Variants in AATF observed in about 807,000 individuals in gnomAD.
AATF encodes the protein protein AATF.
A neutral mutation model predicts 63.7 loss-of-function variants in AATF; 48 were observed. That is an observed-to-expected ratio of 0.75 (90% CI 0.60 to 0.96). AATF has a LOEUF of 0.96. Ranked by LOEUF, AATF falls within the 40% of genes least tolerant of loss-of-function variation. The pLI is 0.00. For missense variants in AATF, 639 were observed against 685.7 expected (o/e 0.93, Z 0.76); for synonymous variants, 258 against 247.7 (o/e 1.04, Z -0.39).
intron 10 of AATF, among the ~76,000 whole-genome samples, chr17:37,026,176 AATG>A (rs2071509859): frequency 6.6e-6 from 1 of 152,240 alleles, no homozygotes; most frequent in Admixed American, 6.5e-5. Flanking sequence ...GTGTCAAAGT[AATG>A]ATAAAACAAG....
chr17:37,040,470 T>TA (rs2071628034), intron 11 of AATF, among the ~76,000 whole-genome samples: 1 of 1,706 alleles, frequency 5.9e-4, no homozygotes, highest in African/African-American at 2.5e-3. Flanking sequence ...TGTTCCTCAT[T>TA]TAAAAAAAAA....
chr17:36,968,263 CTTCTTTCTTTTTTT>C (rs2071008935), intron 4 of AATF, among the ~76,000 whole-genome samples: 1 of 88,240 alleles, frequency 1.1e-5, no homozygotes, highest in African/African-American at 6.6e-5. Context: ...TCTTTCTTTC[CTTCTTTCTTTTTTT>C]TTTTTTTTTT....
At chr17:36,958,354 A>T (rs887980198) in intron 4 of AATF, among the ~76,000 whole-genome samples, 1 of 151,890 alleles carries the variant, frequency 6.6e-6, no homozygotes, top group Non-Finnish European at 1.5e-5. Context: ...TTTAGTAGAG[A>T]TGGGGTTTCA....
Position 36,948,962 on chromosome 17 carries a change from C to A in AATF, c.-164C>A. ...GCCCCGCCCCCTCCCGCGCGCCTCC[C>A]GGAAGTGGCCGGTCCAGAGCTGTGG... On this transcript the variant is annotated 5_prime_UTR_variant, in exon 1 of 12. Transcript: ENST00000619387. The A allele has an allele frequency of 3.3e-6, 2 of 599,118 alleles. No individual in the cohort carries two copies. The highest frequency in any genetic ancestry group is 5.6e-6 in the Non-Finnish European group (2 of 354,566). 37.1% of individuals were successfully genotyped at this position (599,118 alleles called of 1,614,324 possible). A position where few individuals can be genotyped will look rare whatever the true frequency, so the allele number is the denominator to read the frequency against.
intron 10 of AATF, among the ~76,000 whole-genome samples, chr17:37,023,356 A>G (rs1432304594): frequency 2.6e-5 from 4 of 152,202 alleles, no homozygotes; most frequent in African/African-American, 9.6e-5. Context: ...TGCTTTTTAT[A>G]TTAATGAATT....
intron 10 of AATF, among the ~76,000 whole-genome samples, chr17:37,024,674 A>G (rs1215512016): frequency 6.6e-6 from 1 of 152,176 alleles, no homozygotes; most frequent in African/African-American, 2.4e-5. Flanking sequence ...CAGAAAGATA[A>G]TTGGCTGGGC....
intron 11 of AATF, among the ~76,000 whole-genome samples, chr17:37,033,979 GGA>G (rs2071571136): frequency 6.6e-6 from 1 of 152,118 alleles, no homozygotes; most frequent in East Asian, 1.9e-4. Context: ...AGCAAGCAAG[GGA>G]GAAGGGGTTA....
intron 8 of AATF, among the ~76,000 whole-genome samples, chr17:37,012,316 G>T (rs1315751495): frequency 6.6e-6 from 1 of 152,146 alleles, no homozygotes; most frequent in African/African-American, 2.4e-5. Flanking sequence ...TGGCCTCCCA[G>T]TGCTAGGATT....
At chr17:37,012,243 A>G (rs1442205359) in intron 8 of AATF, among the ~76,000 whole-genome samples, 1 of 151,890 alleles carries the variant, frequency 6.6e-6, no homozygotes, top group African/African-American at 2.4e-5. Context: ...TTTACTAGAG[A>G]CGGGGTTCGC....
chr17:36,952,683 G>A (rs1232131071), intron 2 of AATF, among the ~76,000 whole-genome samples: 1 of 152,202 alleles, frequency 6.6e-6, no homozygotes, highest in Admixed American at 6.5e-5. Context: ...CCTTTTGTTA[G>A]GGTAGGACCC....
At chr17:36,993,753 T>G (rs548709607) in intron 8 of AATF, among the ~76,000 whole-genome samples, 14 of 152,276 alleles carry the variant, frequency 9.2e-5, no homozygotes, top group Non-Finnish European at 1.6e-4. Flanking sequence ...GGTTCATGTT[T>G]TGTAAGGAAG....
chr17:36,977,920 T>C (rs918230288), intron 4 of AATF, among the ~76,000 whole-genome samples: 19 of 152,218 alleles, frequency 1.2e-4, no homozygotes, highest in African/African-American at 4.3e-4. Context: ...GCTAGATTGC[T>C]GTGTCCTATA....
chr17:37,024,173 A>G (rs1000528610), intron 10 of AATF, among the ~76,000 whole-genome samples: 24 of 152,322 alleles, frequency 1.6e-4, no homozygotes, highest in African/African-American at 5.5e-4. Context: ...ACCCTAGCCG[A>G]CTGAGGTGCT....
chr17:36,978,472 G>A (rs1457361946), intron 4 of AATF, among the ~76,000 whole-genome samples: 2 of 151,978 alleles, frequency 1.3e-5, no homozygotes, highest in African/African-American at 4.8e-5. Flanking sequence ...TAGCCTTCAT[G>A]ATTTTAGAAT....
chr17:37,044,908 C>T (rs936273761), intron 11 of AATF, among the ~76,000 whole-genome samples: 12 of 152,146 alleles, frequency 7.9e-5, no homozygotes, highest in Non-Finnish European at 1.5e-4. Flanking sequence ...TGAAGAACCC[C>T]AGCAGGGCTC....
rs188302893 is a variant in AATF, at chr17:36,994,803, T to G, written c.1398+3946T>G. On this transcript the variant is annotated intron_variant, in intron 8 of 11. Transcript: ENST00000619387. ...TTAAACCATCAGATGATCTTTGACT[T>G]GATAAGCCTAAGTTTTTAAAGAATC... Among the ~76,000 whole-genome samples, 471 of 152,336 alleles carry G rather than the reference T, an allele frequency of 3.1e-3. 5 individuals are homozygous for G. Among genetic ancestry groups the G allele is most frequent in the Middle Eastern group, 0.02 (6 of 294 alleles).
At chr17:37,002,425 T>G (rs1218124486) in intron 8 of AATF, among the ~76,000 whole-genome samples, 1 of 151,592 alleles carries the variant, frequency 6.6e-6, no homozygotes, top group Non-Finnish European at 1.5e-5. Flanking sequence ...CCCAGCACTT[T>G]GGGAGGCCAA....
Position 36,953,805 on chromosome 17 carries a change from C to G in AATF, c.730C>G (p.Leu244Val). The change falls in exon 4 of 12, where the codon CTA (leucine) becomes GTA (valine). Residue 244 changes from leucine (L) to valine (V), a missense_variant. Physicochemically the swap from Leu to Val is conservative, Grantham distance 32. Transcript: ENST00000619387. The part of the protein sequence containing the change: ...WDQLLEGRIK[L>V]QKALLTTNQL... Reference sequence around the variant, plus strand: ...CCAGCTCTTGGAAGGAAGGATCAAACTACAAAAAGCTCTGTTGACCACCAA... The same window carrying G: ...CCAGCTCTTGGAAGGAAGGATCAAAGTACAAAAAGCTCTGTTGACCACCAA... 6.2e-7 allele frequency: 1 copy of G among 1,614,092 alleles called. No individual in the cohort carries two copies. Among genetic ancestry groups the G allele is most frequent in the South Asian group, 1.1e-5 (1 of 91,076 alleles).
intron 8 of AATF, chr17:36,999,275 A>G (rs1265965676): frequency 6.6e-6 from 1 of 152,102 alleles, no homozygotes; most frequent in African/African-American, 2.4e-5. Context: ...AAAAAGTCAT[A>G]TTTCTTTTTT....
Sources: allele counts gnomAD v4.1 joint callset (sites outside exome capture counted in the v4.1 genomes callset), GRCh38; gene constraint gnomAD v4.1.1; transcripts MANE v1.5; gene names NCBI Gene and HGNC (gene_info 2026-07-23, HGNC 2026-07-21).